The following MAP2 variants were observed in gnomAD, a reference collection of about 807,000 sequenced individuals.
MAP2 encodes the protein microtubule associated protein 2, also known as microtubule-associated protein 2.
A neutral mutation model predicts 137.6 loss-of-function variants in MAP2; 14 were observed. The observed-to-expected ratio is 0.10, with a 90% CI of 0.07 to 0.16. MAP2 has a LOEUF of 0.16. Ranked by LOEUF, MAP2 falls within the 10% of genes least tolerant of loss-of-function variation. The pLI is 1.00. For missense variants in MAP2, 2,088 were observed against 2,191.5 expected, an observed-to-expected ratio of 0.95 and a Z score of 0.94; for synonymous variants, 786 against 782.3, an observed-to-expected ratio of 1.00 and a Z score of -0.08.
intron 4 of MAP2, among the ~76,000 whole-genome samples, chr2:209,637,202 G>A (rs2093641582): frequency 1.3e-5 from 2 of 152,090 alleles, no homozygotes; most frequent in South Asian, 2.1e-4. Context: ...CATCACTTTG[G>A]GAGGCCAAGG....
intron 2 of MAP2, among the ~76,000 whole-genome samples, chr2:209,575,499 C>T (rs1479607157): frequency 1.9e-5 from 2 of 103,468 alleles, no homozygotes; most frequent in Non-Finnish European, 3.4e-5. Flanking sequence ...CCAGCCTGGG[C>T]AACAGTGAGA....
chr2:209,483,012 T>G lies in MAP2; in HGVS notation c.-221-24580T>G, dbSNP rs933166325. 2.0e-5 allele frequency among the ~76,000 whole-genome samples: 3 copies of G among 152,322 alleles called. No individual in the cohort carries two copies. The Middle Eastern group carries it at 0.01, about 518-fold the overall frequency. ...TTAGTATCTTTTTTAGAACATGACA[T>G]TATATGTTAACAAAGCGCTGAGTTT... On this transcript the variant is annotated intron_variant, in intron 1 of 15. Coordinates refer to ENST00000682079, the MANE Select transcript of MAP2 (RefSeq NM_001375505.1).
chr2:209,511,639 A>G (rs1027373001), intron 2 of MAP2, among the ~76,000 whole-genome samples: 6 of 152,018 alleles, frequency 3.9e-5, no homozygotes, highest in African/African-American at 1.4e-4. Context: ...TGACACAATC[A>G]TGGCTCACTG....
At chr2:209,620,404 C>A (rs980750597) in intron 3 of MAP2, among the ~76,000 whole-genome samples, 18 of 152,184 alleles carry the variant, frequency 1.2e-4, no homozygotes, top group Non-Finnish European at 1.5e-4. Flanking sequence ...TAGGAATTTG[C>A]TAACAGCTCT....
chr2:209,516,312 G>T (rs1054532358), intron 2 of MAP2, among the ~76,000 whole-genome samples: 2 of 152,074 alleles, frequency 1.3e-5, no homozygotes, highest in African/African-American at 2.4e-5. Flanking sequence ...TTTGCTTAAA[G>T]ATGCTTCACC....
intron 1 of MAP2, among the ~76,000 whole-genome samples, chr2:209,452,014 G>T (rs1422881762): frequency 1.3e-5 from 2 of 152,168 alleles, no homozygotes; most frequent in Non-Finnish European, 2.9e-5. Context: ...TCAATAAAAA[G>T]ATTGTATTGA....
At chr2:209,660,811 G>T (rs1437780965) in intron 5 of MAP2, among the ~76,000 whole-genome samples, 1 of 148,028 alleles carries the variant, frequency 6.8e-6, no homozygotes, top group Non-Finnish European at 1.5e-5. Flanking sequence ...TCGGCTCACT[G>T]CAAGCTCCGC....
At chr2:209,714,397 C>T (rs2066701738) in intron 13 of MAP2, among the ~76,000 whole-genome samples, 1 of 152,164 alleles carries the variant, frequency 6.6e-6, no homozygotes, top group Non-Finnish European at 1.5e-5. Flanking sequence ...TGTGCTTTTG[C>T]TCCATTAATG....
intron 1 of MAP2, among the ~76,000 whole-genome samples, chr2:209,445,577 G>C (rs1575020155): frequency 6.6e-6 from 1 of 151,558 alleles, no homozygotes. Context: ...CAGAACACAA[G>C]ATCCTCTGGG....
intron 2 of MAP2, among the ~76,000 whole-genome samples, chr2:209,518,587 G>T (rs2150361459): frequency 6.6e-6 from 1 of 152,010 alleles, no homozygotes; most frequent in East Asian, 1.9e-4. Context: ...TTCTTTCTTA[G>T]TCTTCCACTT....
rs371482707 is a variant in MAP2 at position 209,705,672 on chromosome 2, T to C, written c.4677T>C (p.Asp1559=). 2 of 1,613,002 alleles carry C rather than the reference T, an allele frequency of 1.2e-6. No homozygotes were observed. The highest frequency in any genetic ancestry group is 2.7e-5 in the African/African-American group (2 of 75,006). Residue 1559 remains aspartate (D), a synonymous_variant, in exon 12 of 16, where the codon GAT becomes GAC. Transcript: ENST00000682079. The part of the protein sequence containing the change: ...PPRRGVSGDR[D]ENSFSLNSSI... ...GGCGAGGTGTGTCAGGAGACAGAGA[T>C]GAGAATTCCTTCTCTCTCAACAGTT...
intron 4 of MAP2, among the ~76,000 whole-genome samples, chr2:209,636,901 G>T (rs1035446093): frequency 2.6e-5 from 4 of 152,042 alleles, no homozygotes; most frequent in Non-Finnish European, 5.9e-5. Flanking sequence ...GTAATGACAA[G>T]CCTATCCTGC....
intron 2 of MAP2, among the ~76,000 whole-genome samples, chr2:209,510,425 T>C (rs2061587467): frequency 6.6e-6 from 1 of 152,006 alleles, no homozygotes; most frequent in Admixed American, 6.6e-5. Context: ...TTCTAAAATG[T>C]TTATGTTCAC....
At chr2:209,689,324 C>A (rs1467183824) in intron 7 of MAP2, among the ~76,000 whole-genome samples, 1 of 151,876 alleles carries the variant, frequency 6.6e-6, no homozygotes, top group Non-Finnish European at 1.5e-5. Context: ...CTCTGTTTCT[C>A]TCTGAGGATA....
At chr2:209,588,281 C>A (rs529063444) in intron 3 of MAP2, among the ~76,000 whole-genome samples, 1 of 152,218 alleles carries the variant, frequency 6.6e-6, no homozygotes, top group South Asian at 2.1e-4. Context: ...GATTGTCTCT[C>A]TTTCTCAAAA....
Position 209,466,439 on chromosome 2 carries a change from A to G in MAP2, c.-221-41153A>G, listed in dbSNP as rs1704139678. Reference sequence around the variant, plus strand: ...TTCCTTATCTGTAAAAAGGACTAATAGTAGTATCTTCTTTATCAGGTTGTT... The same window carrying G: ...TTCCTTATCTGTAAAAAGGACTAATGGTAGTATCTTCTTTATCAGGTTGTT... On this transcript the variant is annotated intron_variant, in intron 1 of 15. Transcript: ENST00000682079. Among the ~76,000 whole-genome samples, 5 of 152,270 alleles carry G rather than the reference A, an allele frequency of 3.3e-5. No homozygotes were observed. The South Asian group carries it at 1.0e-3, about 32-fold the overall frequency.
At chr2:209,539,316 T>C (rs1431638328) in intron 2 of MAP2, among the ~76,000 whole-genome samples, 1 of 152,224 alleles carries the variant, frequency 6.6e-6, no homozygotes, top group Non-Finnish European at 1.5e-5. Flanking sequence ...ATTCTGTATG[T>C]AGTGAATTGT....
chr2:209,725,359 C>T (rs2073500936), intron 13 of MAP2, among the ~76,000 whole-genome samples: 2 of 152,182 alleles, frequency 1.3e-5, no homozygotes, highest in African/African-American at 4.8e-5. Context: ...TAATGCAGCT[C>T]TTCCCTTGGC....
intron 14 of MAP2, among the ~76,000 whole-genome samples, chr2:209,727,236 A>G (rs1248015129): frequency 1.3e-5 from 2 of 152,218 alleles, no homozygotes; most frequent in Non-Finnish European, 2.9e-5. Context: ...GTTGTCCCAT[A>G]CTTCATATCT....
Sources: gnomAD v4.1 joint callset for allele counts (sites outside exome capture counted in the v4.1 genomes callset) on GRCh38, gnomAD v4.1.1 for gene constraint, MANE v1.5 for transcripts, NCBI Gene and HGNC (gene_info 2026-07-23, HGNC 2026-07-21) for gene names.